Variants in MKKS observed in about 807,000 individuals in gnomAD.
MKKS encodes the protein MKKS centrosomal shuttling protein, also known as molecular chaperone MKKS.
In MKKS, 29 loss-of-function variants were observed where a neutral mutation model predicts 33.2. That is an observed-to-expected ratio of 0.87 (90% CI 0.65 to 1.19). The LOEUF is 1.19. Ranked by LOEUF, MKKS falls within the 50% of genes most tolerant of loss-of-function variation. The pLI, the probability that MKKS is intolerant of heterozygous loss-of-function variation, is 0.00. For synonymous variants in MKKS, 260 were observed against 244.0 expected (o/e 1.07, Z -0.61); for missense variants, 661 against 662.3 (o/e 1.00, Z 0.02).
intron 3 of MKKS, among the ~76,000 whole-genome samples, chr20:10,409,788 T>C (rs2064867836): frequency 6.6e-6 from 1 of 151,738 alleles, no homozygotes; most frequent in South Asian, 2.1e-4. Context: ...CTGGCCAACA[T>C]GGTGAAACCC....
Position 10,405,214 on chromosome 20 carries a change from T to C in MKKS, c.*33A>G, listed in dbSNP as rs1247818742. The C allele has an allele frequency of 6.5e-7, 1 of 1,541,532 alleles. No individual in the cohort carries two copies. Among genetic ancestry groups the C allele is most frequent in the Middle Eastern group, 1.7e-4 (1 of 5,802 alleles). Reference sequence around the variant, plus strand: ...CTCAATTGCCAACAGACTAGTTTATTTGTTTCTCTTGTAATACGAACATGC... The same window carrying C: ...CTCAATTGCCAACAGACTAGTTTATCTGTTTCTCTTGTAATACGAACATGC... On this transcript the variant is annotated 3_prime_UTR_variant, in exon 6 of 6. Coordinates refer to ENST00000347364, the MANE Select transcript of MKKS (RefSeq NM_170784.3).
Position 10,408,792 on chromosome 20 carries a change from T to C in MKKS, c.997A>G (p.Ile333Val), listed in dbSNP as rs920866817. 6.2e-7 allele frequency: 1 copy of C among 1,612,450 alleles called. No individual in the cohort carries two copies. Residue 333 changes from isoleucine (I) to valine (V), a missense_variant, in exon 4 of 6, where the codon ATT becomes GTT. Transcript: ENST00000347364. The part of the protein sequence containing the change: ...PLTKMTGTQP[I>V]GSLGSICPNS... ...GGACATATTGAGCCTAGGGATCCAA[T>C]AGGCTGTGTTCCTATTTTTTAAAGA...
At chr20:10,408,294 G>A (rs1234132259) in intron 4 of MKKS, among the ~76,000 whole-genome samples, 1 of 152,156 alleles carries the variant, frequency 6.6e-6, no homozygotes, top group Non-Finnish European at 1.5e-5. Flanking sequence ...AGTGGATGAT[G>A]GGTATTGACT....
At chr20:10,410,707 A>G (rs563131048) in intron 3 of MKKS, among the ~76,000 whole-genome samples, 12 of 152,286 alleles carry the variant, frequency 7.9e-5, no homozygotes, top group South Asian at 2.1e-4. Context: ...TACACAACCT[A>G]TATCATTAAT....
intron 2 of MKKS, among the ~76,000 whole-genome samples, 187 bp from the exon 3 acceptor site, chr20:10,414,118 C>T (rs1308067652): frequency 6.6e-6 from 1 of 152,264 alleles, no homozygotes; most frequent in East Asian, 1.9e-4. Context: ...TTCAATAAAT[C>T]CCCTCTACAA....
chr20:10,423,758 C>T (rs571913723), intron 1 of MKKS, among the ~76,000 whole-genome samples: 15 of 152,264 alleles, frequency 9.9e-5, no homozygotes, highest in African/African-American at 3.4e-4. Context: ...ATTAGGATAA[C>T]TTAAGGATCG....
chr20:10,431,930 C>G (rs1292124659), intron 1 of MKKS: 1 of 130,272 alleles, frequency 7.7e-6, no homozygotes, highest in Non-Finnish European at 1.7e-5. Context: ...CCCTCTCCCT[C>G]CCCATTATTC....
In MKKS at chr20:10,412,659, C is replaced by T; in HGVS notation, c.856G>A (p.Asp286Asn). 1 of 1,614,120 alleles carries T rather than the reference C, an allele frequency of 6.2e-7. No individual in the cohort carries two copies. Among genetic ancestry groups the T allele is most frequent in the Middle Eastern group, 1.6e-4 (1 of 6,062 alleles). Residue 286 changes from aspartate to asparagine, a missense_variant, in exon 3 of 6, where the codon GAC becomes AAC. Coordinates refer to ENST00000347364, the MANE Select transcript of MKKS (RefSeq NM_170784.3). The part of the protein sequence containing the change: ...LLNLGRQLIS[D>N]HVDLVLCQKV... ...TGGCACAGGACAAGATCTACGTGGT[C>T]ACTGATTAGCTGCCTTCCTAGGTTA...
chr20:10,427,047 C>T (rs1056674443), intron 1 of MKKS, among the ~76,000 whole-genome samples: 2 of 137,984 alleles, frequency 1.4e-5, no homozygotes, highest in African/African-American at 2.6e-5. Flanking sequence ...CACACACACA[C>T]ACACACACAC....
intron 2 of MKKS, 39 bp downstream of exon 2, chr20:10,420,489 G>A (rs2064972209): frequency 6.6e-6 from 1 of 152,204 alleles, no homozygotes; most frequent in African/African-American, 2.4e-5. Flanking sequence ...TTGTTGGAAT[G>A]TGCCATATGA....
At position 10,420,667 on chromosome 20, in the gene MKKS, T is replaced by C. The variant is rs145467994; in HGVS notation, c.-557A>G. 6.6e-6 allele frequency: 1 copy of C among 151,834 alleles called. No individual in the cohort carries two copies. Among genetic ancestry groups the C allele is most frequent in the Non-Finnish European group, 1.5e-5 (1 of 67,936 alleles). The allele number at this position is 151,834 out of a possible 1,614,324, so 9.4% of individuals were successfully genotyped here. A position where few individuals can be genotyped will look rare whatever the true frequency, so the allele number is the denominator to read the frequency against. ...GCTTTTGATTCTGTACCACCCCAAA[T>C]GTATGAGCCCAACTAAAGGGACCAT... On this transcript the variant is annotated 5_prime_UTR_variant, in exon 2 of 6. Coordinates refer to ENST00000347364, the MANE Select transcript of MKKS (RefSeq NM_170784.3).
chr20:10,420,214 T>A (rs2064969722), intron 2 of MKKS, among the ~76,000 whole-genome samples: 1 of 152,190 alleles, frequency 6.6e-6, no homozygotes, highest in South Asian at 2.1e-4. Context: ...TAATCTTGTA[T>A]AAATTTGGAC....
chr20:10,408,907 A>G, intron 3 of MKKS, 104 bp from the exon 4 acceptor site: 1 of 827,444 alleles, frequency 1.2e-6, no homozygotes, highest in Non-Finnish European at 1.9e-6. Flanking sequence ...CCCCACAAGC[A>G]TATAATTTAA....
chr20:10,405,647 C>A lies in MKKS; in HGVS notation c.1313G>T (p.Cys438Phe). Reference sequence around the variant, plus strand: ...AATTAATTGAAGTTCTGTTTGAGTACATTCATCATCTTTGAGAATGCTTTC... The same window carrying A: ...AATTAATTGAAGTTCTGTTTGAGTAAATTCATCATCTTTGAGAATGCTTTC... ...DPESILKDDECTQTELQLIAE... is the reference protein window; with the variant it reads ...DPESILKDDEFTQTELQLIAE... The change falls in exon 6 of 6, where the codon TGT becomes TTT. Residue 438 changes from cysteine (C) to phenylalanine (F), a missense_variant. Physicochemically the swap from Cys to Phe is radical, Grantham distance 205 (BLOSUM62 -2). Coordinates refer to ENST00000347364, the MANE Select transcript of MKKS (RefSeq NM_170784.3). 6.2e-7 allele frequency: 1 copy of A among 1,614,140 alleles called. No individual in the cohort carries two copies. Among genetic ancestry groups the A allele is most frequent in the Non-Finnish European group, 8.5e-7 (1 of 1,179,988 alleles).
intron 4 of MKKS, among the ~76,000 whole-genome samples, 175 bp downstream of exon 4, chr20:10,408,453 A>G (rs1236008952): frequency 6.6e-6 from 1 of 152,236 alleles, no homozygotes; most frequent in Non-Finnish European, 1.5e-5. Flanking sequence ...CACATGCCAA[A>G]TTTATTATAA....
intron 2 of MKKS, among the ~76,000 whole-genome samples, chr20:10,415,402 G>A (rs555749434): frequency 1.4e-4 from 21 of 152,150 alleles, no homozygotes; most frequent in Non-Finnish European, 2.8e-4. Context: ...GGAATGTTAT[G>A]CAAATGTTAT....
At chr20:10,429,783 A>C (rs6077783) in intron 1 of MKKS, among the ~76,000 whole-genome samples, 1 of 151,900 alleles carries the variant, frequency 6.6e-6, no homozygotes, top group African/African-American at 2.4e-5. Flanking sequence ...TCCTTGCTTC[A>C]ATTCCAGTAG....
chr20:10,413,876 G>T lies in MKKS; in HGVS notation c.-362C>A. On this transcript the variant is annotated 5_prime_UTR_variant, in exon 3 of 6. Transcript: ENST00000347364. ...GAAGCCAGTTCTTTCTAATCCAACT[G>T]GTATTTTTCATCTCTTCTTTCGATA... 7.1e-6 allele frequency: 3 copies of T among 424,396 alleles called. No homozygotes were observed. The highest frequency in any genetic ancestry group is 8.4e-5 in the South Asian group (1 of 11,900). 26.3% of individuals were successfully genotyped at this position (424,396 alleles called of 1,614,324 possible).
chr20:10,408,677 C>A lies in MKKS; in HGVS notation c.1112G>T (p.Cys371Phe). 6.2e-7 allele frequency: 1 copy of A among 1,614,042 alleles called. No individual in the cohort carries two copies. The highest frequency in any genetic ancestry group is 8.5e-7 in the Non-Finnish European group (1 of 1,179,996). Residue 371 changes from cysteine to phenylalanine, a missense_variant, in exon 4 of 6, where the codon TGC (cysteine) becomes TTC (phenylalanine). Physicochemically the swap from Cys to Phe is radical, Grantham distance 205. Coordinates refer to ENST00000347364, the MANE Select transcript of MKKS (RefSeq NM_170784.3). ...ATTTCTGTTGCAGAGAAGCAAGCTG[C>A]AGATTGTTGCTTCATTAGGAATAAG... ...FHLIPNEATI[C>F]SLLLCNRNDT...
Sources: allele counts gnomAD v4.1 joint callset (sites outside exome capture counted in the v4.1 genomes callset), GRCh38; gene constraint gnomAD v4.1.1; transcripts MANE v1.5; gene names NCBI Gene and HGNC (gene_info 2026-07-23, HGNC 2026-07-21).